MED12L: variants seen among roughly 807,000 people sequenced by gnomAD.
MED12L encodes mediator complex subunit 12L, also known as mediator of RNA polymerase II transcription subunit 12-like protein.
Under a neutral mutation model 281.3 loss-of-function variants are expected in MED12L, and 60 were observed. The observed-to-expected ratio is 0.21, with a 90% CI of 0.17 to 0.26. The LOEUF is 0.26. Among genes scored for constraint, MED12L ranks in the 10% least tolerant of loss-of-function variants. The pLI, the probability that MED12L is intolerant of heterozygous loss-of-function variation, is 1.00. For synonymous variants in MED12L, 974 were observed against 987.2 expected, an observed-to-expected ratio of 0.99 and a Z score of 0.25; for missense variants, 2,146 against 2,680.9, an observed-to-expected ratio of 0.80 and a Z score of 4.41.
At chr3:151,264,775 G>GTA (rs1739522692) in intron 16 of MED12L, among the ~76,000 whole-genome samples, 1 of 152,132 alleles carries the variant, frequency 6.6e-6, no homozygotes, top group Non-Finnish European at 1.5e-5. Context: ...GCGTGTGTGT[G>GTA]TATGTGTGTG....
At chr3:151,267,406 A>G (rs1740044289) in intron 16 of MED12L, among the ~76,000 whole-genome samples, 1 of 152,210 alleles carries the variant, frequency 6.6e-6, no homozygotes, top group Non-Finnish European at 1.5e-5. Flanking sequence ...TTAGAAAGAA[A>G]CAATATCAAG....
chr3:151,359,041 T>C (rs1754293081), intron 20 of MED12L, among the ~76,000 whole-genome samples: 1 of 152,148 alleles, frequency 6.6e-6, no homozygotes, highest in African/African-American at 2.4e-5. Flanking sequence ...GAAGTGAGCA[T>C]AGTACTCAGT....
intron 16 of MED12L, among the ~76,000 whole-genome samples, chr3:151,349,132 A>T (rs1448327707): frequency 6.6e-6 from 1 of 152,254 alleles, no homozygotes; most frequent in African/African-American, 2.4e-5. Context: ...TGCTATAGAA[A>T]GATTCAGAGC....
rs774327508 is a variant in MED12L, at chr3:151,384,190, C to T, written c.4898C>T (p.Ala1633Val). The change falls in exon 35 of 45, where the codon GCA (alanine) becomes GTA (valine). Residue 1633 changes from alanine (A) to valine (V), a missense_variant. Around this residue, in one of 9 missense-constraint regions of MED12L, gnomAD observed 212 missense variants for 340.8 expected, o/e 0.62. Transcript: ENST00000687756. ...GGGGGATCTGAAGAGAACAAGCGTG[C>T]ATACATGAATTTAGTAAAGAAACTG... ...SPGGSEENKRAYMNLVKKLKK... is the reference protein window; with the variant it reads ...SPGGSEENKRVYMNLVKKLKK... 3 of 1,609,832 alleles carry T rather than the reference C, an allele frequency of 1.9e-6. No individual in the cohort carries two copies. The highest frequency in any genetic ancestry group is 2.5e-6 in the Non-Finnish European group (3 of 1,178,764).
At chr3:151,352,214 A>T (rs13095610) in intron 17 of MED12L, among the ~76,000 whole-genome samples, 3 of 151,996 alleles carry the variant, frequency 2.0e-5, no homozygotes, top group Non-Finnish European at 4.4e-5. Flanking sequence ...GTGACCTGTT[A>T]TGTGAGATCA....
At chr3:151,351,621 C>T (rs1429841803) in intron 17 of MED12L, among the ~76,000 whole-genome samples, 1 of 152,140 alleles carries the variant, frequency 6.6e-6, no homozygotes, top group Non-Finnish European at 1.5e-5. Flanking sequence ...AATTTAGAAG[C>T]CCTGAAACTA....
At chr3:151,431,665 C>G (rs1189909311) in intron 44 of MED12L, among the ~76,000 whole-genome samples, 1 of 151,996 alleles carries the variant, frequency 6.6e-6, no homozygotes, top group Non-Finnish European at 1.5e-5. Flanking sequence ...ATTTTTTCTT[C>G]TAGTGTTTAG....
chr3:151,094,482 C>T (rs1720462583), intron 2 of MED12L, among the ~76,000 whole-genome samples: 1 of 152,186 alleles, frequency 6.6e-6, no homozygotes, highest in Non-Finnish European at 1.5e-5. Context: ...ACGCTCTTAC[C>T]TCCTACGTAT....
chr3:151,413,769 CA>C (rs1171554896), intron 42 of MED12L, among the ~76,000 whole-genome samples: 1 of 152,106 alleles, frequency 6.6e-6, no homozygotes, highest in Non-Finnish European at 1.5e-5. Flanking sequence ...TAGACTGTTT[CA>C]AAGGATATTT....
At chr3:151,288,204 T>C (rs1351651059) in intron 16 of MED12L, among the ~76,000 whole-genome samples, 1 of 152,242 alleles carries the variant, frequency 6.6e-6, no homozygotes, top group Admixed American at 6.5e-5. Context: ...GAATGCTTTA[T>C]AGCATGCAAA....
chr3:151,208,015 C>T (rs1334293757), intron 16 of MED12L, among the ~76,000 whole-genome samples: 3 of 152,130 alleles, frequency 2.0e-5, no homozygotes, highest in Admixed American at 6.5e-5. Context: ...CTTTATCTGT[C>T]ATTAACCAGA....
At chr3:151,306,407 T>C (rs775256290) in intron 16 of MED12L, among the ~76,000 whole-genome samples, 2 of 152,218 alleles carry the variant, frequency 1.3e-5, no homozygotes, top group Non-Finnish European at 2.9e-5. Flanking sequence ...ACCCTACTGA[T>C]TGTGTTATAA....
intron 5 of MED12L, among the ~76,000 whole-genome samples, chr3:151,133,567 A>G (rs1715710309): frequency 6.6e-6 from 1 of 152,138 alleles, no homozygotes; most frequent in South Asian, 2.1e-4. Flanking sequence ...GGAAGCCTGA[A>G]AGAAGAGTTT....
In MED12L at chr3:151,387,888, T is replaced by C. The variant is rs773401831; in HGVS notation, c.5167T>C (p.Trp1723Arg). The C allele has an allele frequency of 6.2e-7, 1 of 1,614,142 alleles. No homozygotes were observed. Among genetic ancestry groups the C allele is most frequent in the Non-Finnish European group, 8.5e-7 (1 of 1,180,006 alleles). Residue 1723 changes from tryptophan to arginine, a missense_variant, in exon 37 of 45, where the codon TGG (tryptophan) becomes CGG (arginine). Trp to Arg is a moderately radical substitution (Grantham distance 101). Transcript: ENST00000687756. ...EGQKNPAPLS[W>R]AWFGTVRVDR... ...TCAGAAGAACCCAGCTCCTTTGTCC[T>C]GGGCCTGGTTTGGGACAGTCCGAGT...
chr3:151,093,972 C>A (rs1720398451), intron 2 of MED12L, among the ~76,000 whole-genome samples: 1 of 152,112 alleles, frequency 6.6e-6, no homozygotes. Context: ...GAGGACCACA[C>A]AATGAGATCT....
intron 16 of MED12L, among the ~76,000 whole-genome samples, chr3:151,311,969 G>A (rs1444869761): frequency 6.6e-6 from 1 of 152,170 alleles, no homozygotes; most frequent in Non-Finnish European, 1.5e-5. Flanking sequence ...GGTTGCGGAG[G>A]TTGCAGAGGT....
At chr3:151,176,467 TG>T (rs1722063677) in intron 11 of MED12L, among the ~76,000 whole-genome samples, 1 of 152,242 alleles carries the variant, frequency 6.6e-6, no homozygotes, top group African/African-American at 2.4e-5. Flanking sequence ...CTATAAAGGT[TG>T]GAGGACATAA....
intron 23 of MED12L, among the ~76,000 whole-genome samples, chr3:151,366,312 C>T (rs1347463901): frequency 6.6e-6 from 1 of 152,146 alleles, no homozygotes. Flanking sequence ...TTACCAACTG[C>T]CCTGGATTCC....
At chr3:151,273,532 C>T (rs1010978778) in intron 16 of MED12L, among the ~76,000 whole-genome samples, 20 of 151,546 alleles carry the variant, frequency 1.3e-4, no homozygotes, top group Admixed American at 2.0e-4. Flanking sequence ...TGAGCCACTG[C>T]GCCCGGCCTG....
Sources: allele counts gnomAD v4.1 joint callset (sites outside exome capture counted in the v4.1 genomes callset), GRCh38; gene constraint gnomAD v4.1.1; regional missense constraint gnomAD v4.1.1; transcripts MANE v1.5; gene names NCBI Gene and HGNC (gene_info 2026-07-23, HGNC 2026-07-21).